Variants in DROSHA observed in about 807,000 individuals in gnomAD.
The protein encoded by DROSHA is drosha ribonuclease III.
In DROSHA, 56 loss-of-function variants were observed where a neutral mutation model predicts 181.9. That is an observed-to-expected ratio of 0.31 (90% CI 0.25 to 0.38). The LOEUF is 0.38. Ranked by LOEUF, DROSHA falls within the 10% of genes least tolerant of loss-of-function variation. DROSHA has a pLI of 1.00. For missense variants in DROSHA, 1,218 were observed against 1,743.5 expected, an observed-to-expected ratio of 0.70 and a Z score of 5.37; for synonymous variants, 524 against 591.2, an observed-to-expected ratio of 0.89 and a Z score of 1.65.
At chr5:31,486,597 C>T (rs745952243) in intron 13 of DROSHA, 35 bp from the exon 14 acceptor site, 29 of 1,590,740 alleles carry the variant, frequency 1.8e-5, no homozygotes, top group Non-Finnish European at 2.3e-5. Context: ...AGTTCCCCAA[C>T]GTCTCCCTGC....
At position 31,449,437 on chromosome 5, in the gene DROSHA, T is replaced by C. The variant is rs1377956547; in HGVS notation, c.2683-18A>G. 1 of 1,552,418 alleles carries C rather than the reference T, an allele frequency of 6.4e-7. No individual in the cohort carries two copies. ...ATGGCCAGCTAAAATTTCAATGAAA[T>C]AAGTTCAGTCTTTAAAACAGCATAA... On this transcript the variant is annotated intron_variant, in intron 21 of 35. Coordinates refer to ENST00000344624, the MANE Select transcript of DROSHA (RefSeq NM_001382508.1).
At chr5:31,452,537 G>T (rs1429517856) in intron 20 of DROSHA, among the ~76,000 whole-genome samples, 1 of 151,834 alleles carries the variant, frequency 6.6e-6, no homozygotes, top group Non-Finnish European at 1.5e-5. Context: ...AATGTAAGGA[G>T]TCATTCTTAT....
intron 30 of DROSHA, among the ~76,000 whole-genome samples, chr5:31,413,154 C>T (rs544264733): frequency 7.9e-5 from 12 of 152,228 alleles, no homozygotes; most frequent in South Asian, 2.1e-4. Context: ...TGCTGTCTGA[C>T]GGTGAAGGAG....
chr5:31,502,121 G>A (rs1442469826), intron 11 of DROSHA, among the ~76,000 whole-genome samples: 1 of 152,214 alleles, frequency 6.6e-6, no homozygotes, highest in Non-Finnish European at 1.5e-5. Flanking sequence ...GGCTCAGGAG[G>A]CAAAAGAATG....
At position 31,409,241 on chromosome 5, in the gene DROSHA, T is replaced by C. The variant is rs755814935; in HGVS notation, c.3750+9A>G. 2 of 1,599,532 alleles carry C rather than the reference T, an allele frequency of 1.3e-6. No individual in the cohort carries two copies. The highest frequency in any genetic ancestry group is 3.5e-5 in the Admixed American group (2 of 57,506). ...GCAGACCACTAATTCAAACTTTATA[T>C]GAGCTTACTTTCAATCGTGGAAAGA... On this transcript the variant is annotated intron_variant, in intron 32 of 35. Transcript: ENST00000344624. The surrounding 1 kb of genome is among the most constrained non-coding windows in gnomAD (Gnocchi z 4.0).
intron 12 of DROSHA, among the ~76,000 whole-genome samples, chr5:31,494,597 G>A (rs924235162): frequency 6.6e-6 from 1 of 151,906 alleles, no homozygotes; most frequent in Admixed American, 6.6e-5. Flanking sequence ...TTCAGCCTGG[G>A]CAACAAAGTG....
intron 10 of DROSHA, among the ~76,000 whole-genome samples, chr5:31,507,140 C>A (rs1738068268): frequency 1.3e-5 from 2 of 151,448 alleles, no homozygotes. Context: ...CATAGCGAGA[C>A]CTCATCTCTA....
chr5:31,450,874 G>A (rs1237179268), intron 21 of DROSHA, among the ~76,000 whole-genome samples: 9 of 152,058 alleles, frequency 5.9e-5, no homozygotes, highest in African/African-American at 2.2e-4. Context: ...CCAGATCTCT[G>A]ACGCAAGCCC....
At chr5:31,492,671 C>T (rs894240087) in intron 13 of DROSHA, among the ~76,000 whole-genome samples, 5 of 152,164 alleles carry the variant, frequency 3.3e-5, no homozygotes, top group Admixed American at 6.5e-5. Flanking sequence ...ACTCATGGAT[C>T]AGGAACTTCC....
chr5:31,457,450 A>G (rs773118455), intron 20 of DROSHA, among the ~76,000 whole-genome samples: 75 of 152,146 alleles, frequency 4.9e-4, no homozygotes, highest in Admixed American at 5.2e-4. Flanking sequence ...TTTAAAAGAT[A>G]GTTACCTGTC....
chr5:31,466,105 T>C, intron 19 of DROSHA, 77 bp downstream of exon 19: 9 of 1,412,038 alleles, frequency 6.4e-6, no homozygotes, highest in Admixed American at 1.7e-5. Flanking sequence ...ACCAGAAGTA[T>C]AGTGTGATAC....
intron 15 of DROSHA, among the ~76,000 whole-genome samples, chr5:31,483,861 G>C (rs1751363239): frequency 6.6e-6 from 1 of 152,076 alleles, no homozygotes; most frequent in African/African-American, 2.4e-5. Flanking sequence ...AAGGCAAGAA[G>C]AGGATGAAAG....
chr5:31,447,474 A>C (rs1425648077), intron 23 of DROSHA, among the ~76,000 whole-genome samples: 1 of 152,212 alleles, frequency 6.6e-6, no homozygotes, highest in Non-Finnish European at 1.5e-5. Flanking sequence ...TTGACAAGCT[A>C]ATCCAAAAAT....
intron 13 of DROSHA, among the ~76,000 whole-genome samples, chr5:31,489,874 T>TTTTTTTTC (rs2150040931): frequency 6.6e-6 from 1 of 150,620 alleles, no homozygotes; most frequent in African/African-American, 2.5e-5. Flanking sequence ...ATACCTTACA[T>TTTTTTTTC]TTTTTTTCTT....
chr5:31,498,537 G>A (rs1179518538), intron 11 of DROSHA, among the ~76,000 whole-genome samples: 1 of 152,148 alleles, frequency 6.6e-6, no homozygotes, highest in African/African-American at 2.4e-5. Flanking sequence ...GAGAGGTGGT[G>A]GAACAGTATA....
intron 27 of DROSHA, among the ~76,000 whole-genome samples, chr5:31,426,611 G>C (rs895470162): frequency 6.6e-6 from 1 of 151,826 alleles, no homozygotes; most frequent in South Asian, 2.1e-4. Flanking sequence ...TCAAAAACGG[G>C]GCACCAGAAA....
At chr5:31,437,657 A>C (rs1745048118) in intron 23 of DROSHA, among the ~76,000 whole-genome samples, 1 of 152,094 alleles carries the variant, frequency 6.6e-6, no homozygotes, top group South Asian at 2.1e-4. Flanking sequence ...TTTTCTGACC[A>C]CTGAAAAATC....
At position 31,431,556 on chromosome 5, in the gene DROSHA, T is replaced by C. The variant is rs1373007156; in HGVS notation, c.3145+20A>G. The C allele has an allele frequency of 1.2e-6, 2 of 1,612,342 alleles. No homozygotes were observed. The highest frequency in any genetic ancestry group is 8.5e-7 in the Non-Finnish European group (1 of 1,178,502). On this transcript the variant is annotated intron_variant, in intron 26 of 35. Coordinates refer to ENST00000344624, the MANE Select transcript of DROSHA (RefSeq NM_001382508.1). ...TTAGACATGCAAGAAAGTAGACTTC[T>C]TGAAGAAGAGAGAAATTACCTATTA...
intron 23 of DROSHA, among the ~76,000 whole-genome samples, chr5:31,440,132 C>A (rs1189868226): frequency 6.6e-6 from 1 of 152,162 alleles, no homozygotes; most frequent in Non-Finnish European, 1.5e-5. Flanking sequence ...CACACACCAT[C>A]CCCTCTCCCT....
Sources: gnomAD v4.1 joint callset for allele counts (sites outside exome capture counted in the v4.1 genomes callset) on GRCh38, gnomAD v4.1.1 for gene constraint, Gnocchi (gnomAD v3.1) non-coding constraint, MANE v1.5 for transcripts, NCBI Gene and HGNC (gene_info 2026-07-23, HGNC 2026-07-21) for gene names.